Variants in NRG1 observed in about 807,000 individuals in gnomAD.
NRG1 encodes pro-neuregulin-1, membrane-bound isoform.
A neutral mutation model predicts 63.8 loss-of-function variants in NRG1; 18 were observed. The ratio of observed to expected loss-of-function variants is 0.28; its 90% confidence interval spans 0.19 to 0.42. The LOEUF is 0.42. Ranked by LOEUF, NRG1 falls within the 10% of genes least tolerant of loss-of-function variation. The pLI, the probability that NRG1 is intolerant of heterozygous loss-of-function variation, is 1.00. For synonymous variants in NRG1, 302 were observed against 301.3 expected (o/e 1.00, Z -0.02); for missense variants, 762 against 814.7 (o/e 0.94, Z 0.79).
intron 1 of NRG1, among the ~76,000 whole-genome samples, chr8:32,451,611 C>T (rs767605727): frequency 1.7e-4 from 26 of 152,142 alleles, no homozygotes; most frequent in Non-Finnish European, 3.4e-4. Flanking sequence ...GCTCTGGCTT[C>T]GTAAAGATGG....
chr8:32,153,813 G>A lies in NRG1; in HGVS notation c.38-442015G>A, dbSNP rs573554803. Among the ~76,000 whole-genome samples, 347 of 152,290 alleles carry A rather than the reference G, an allele frequency of 2.3e-3. 4 individuals carry two copies. Among genetic ancestry groups the A allele is most frequent in the African/African-American group, 7.9e-3 (327 of 41,554 alleles). On this transcript the variant is annotated intron_variant, in intron 1 of 10. Coordinates refer to the NRG1 transcript ENST00000519301. ...TTGTTGGATATCAAAAGAAATCTAAGCAGGAGAACCAAAATCCATTGGTGG... is the reference window on the plus strand; with the variant it reads ...TTGTTGGATATCAAAAGAAATCTAAACAGGAGAACCAAAATCCATTGGTGG...
rs5890637 is a variant in NRG1 at position 32,322,862 on chromosome 8, GT to G, written c.38-272954del. Among the ~76,000 whole-genome samples the G allele has an allele frequency of 1.9e-3, 286 of 146,994 alleles. 1 individual carries two copies. The highest frequency in any genetic ancestry group is 6.4e-3 in the African/African-American group (255 of 39,926). ...TTATTCTATAATAGCAATTCTCTGG[GT>G]TTTTTTTTTTTCATACTTATAACAA... is the stretch of plus-strand genomic sequence containing the variant. On this transcript the variant is annotated intron_variant, in intron 1 of 10. Transcript: ENST00000519301.
chr8:32,662,752 C>A (rs188168092), intron 5 of NRG1, among the ~76,000 whole-genome samples: 2 of 152,204 alleles, frequency 1.3e-5, no homozygotes, highest in Admixed American at 6.5e-5. Flanking sequence ...TGAGAGGAGT[C>A]AAGGCTGATT....
At chr8:32,009,232 C>T (rs1814327184) in intron 1 of NRG1, among the ~76,000 whole-genome samples, 1 of 152,078 alleles carries the variant, frequency 6.6e-6, no homozygotes, top group African/African-American at 2.4e-5. Flanking sequence ...ATCACCTCTC[C>T]TTGCTTCCAT....
chr8:32,127,510 A>T (rs1434361586), intron 1 of NRG1, among the ~76,000 whole-genome samples: 3 of 143,566 alleles, frequency 2.1e-5, no homozygotes, highest in Non-Finnish European at 4.6e-5. Context: ...TGTTGGGTGG[A>T]ATGTGTGTGT....
At chr8:31,701,971 A>G (rs1292284463) in intron 1 of NRG1, among the ~76,000 whole-genome samples, 2 of 152,136 alleles carry the variant, frequency 1.3e-5, no homozygotes, top group Non-Finnish European at 2.9e-5. Flanking sequence ...TATGAGCCCC[A>G]CCTAACCTAT....
chr8:32,329,555 G>A (rs551024603), intron 1 of NRG1, among the ~76,000 whole-genome samples: 2 of 152,296 alleles, frequency 1.3e-5, no homozygotes, highest in South Asian at 2.1e-4. Flanking sequence ...GGTCAATGCT[G>A]TAAAAGGCCG....
intron 5 of NRG1, among the ~76,000 whole-genome samples, chr8:32,662,927 C>T (rs567500248): frequency 6.6e-6 from 1 of 152,090 alleles, no homozygotes; most frequent in Non-Finnish European, 1.5e-5. Context: ...GCGAGATATG[C>T]CTGAGAGCCT....
chr8:31,639,558 G>T, intron 1 of NRG1: 2 of 1,437,894 alleles, frequency 1.4e-6, no homozygotes, highest in East Asian at 2.6e-5. Flanking sequence ...CGCAGCCCCA[G>T]CAGCCGCCGC....
intron 1 of NRG1, among the ~76,000 whole-genome samples, chr8:32,210,691 C>A (rs973965632): frequency 4.6e-5 from 7 of 152,314 alleles, no homozygotes; most frequent in African/African-American, 1.7e-4. Context: ...AGCCTACAGA[C>A]CACCTCACGT....
exon 12 of NRG1, chr8:32,765,889 A>G (rs1831392264): frequency 6.6e-6 from 1 of 152,164 alleles, no homozygotes; most frequent in South Asian, 2.1e-4. Context: ...GCCTATAAGT[A>G]TTAACATTTG....
At chr8:32,548,868 G>GCTCCTCCTA (rs1201457972) in intron 1 of NRG1, 42 bp downstream of exon 1, 11 of 1,522,028 alleles carry the variant, frequency 7.2e-6, no homozygotes, top group Non-Finnish European at 9.7e-6. Flanking sequence ...TCCTCCTCCT[G>GCTCCTCCTA]CTCCTCCTAC....
intron 1 of NRG1, among the ~76,000 whole-genome samples, chr8:32,118,143 C>T (rs1050773569): frequency 1.3e-5 from 2 of 152,044 alleles, no homozygotes; most frequent in African/African-American, 2.4e-5. Flanking sequence ...TTGTTAGACT[C>T]CTCCAAATCT....
intron 1 of NRG1, among the ~76,000 whole-genome samples, chr8:31,890,428 AAAG>A (rs977679947): frequency 2.6e-4 from 40 of 152,326 alleles, no homozygotes; most frequent in African/African-American, 9.4e-4. Context: ...AAAGGAAAAG[AAAG>A]AAGAAGTTAT....
At chr8:32,483,878 G>C (rs1825602133) in intron 1 of NRG1, among the ~76,000 whole-genome samples, 3 of 152,290 alleles carry the variant, frequency 2.0e-5, no homozygotes, top group South Asian at 2.1e-4. Flanking sequence ...GCCGAGGCGG[G>C]CAGATCACAA....
At chr8:32,484,948 T>C (rs1361703206) in intron 1 of NRG1, among the ~76,000 whole-genome samples, 1 of 152,186 alleles carries the variant, frequency 6.6e-6, no homozygotes, top group East Asian at 1.9e-4. Flanking sequence ...GTAGTGAACA[T>C]ACACCACGCA....
At chr8:32,649,672 G>C (rs1563853697) in intron 5 of NRG1, among the ~76,000 whole-genome samples, 1 of 152,062 alleles carries the variant, frequency 6.6e-6, no homozygotes, top group African/African-American at 2.4e-5. Flanking sequence ...TGTAACTCCC[G>C]ATCATTTCAC....
chr8:32,499,318 A>T (rs181067148), intron 1 of NRG1, among the ~76,000 whole-genome samples: 79 of 152,338 alleles, frequency 5.2e-4, no homozygotes, highest in Admixed American at 4.5e-3. Flanking sequence ...AAAAACAAAG[A>T]TTAACAGTTG....
At chr8:32,635,593 T>C (rs912522382) in intron 5 of NRG1, among the ~76,000 whole-genome samples, 9 of 152,258 alleles carry the variant, frequency 5.9e-5, no homozygotes, top group East Asian at 1.9e-4. Context: ...AACACATTTT[T>C]CCCCCACCAC....
Sources: gnomAD v4.1 joint callset for allele counts (sites outside exome capture counted in the v4.1 genomes callset) on GRCh38, gnomAD v4.1.1 for gene constraint, MANE v1.5 for transcripts, NCBI Gene and HGNC (gene_info 2026-07-23, HGNC 2026-07-21) for gene names.